Variants in TMCO1 observed in about 807,000 individuals in gnomAD.
The protein encoded by TMCO1 is transmembrane and coiled-coil domains 1.
In TMCO1, 29 loss-of-function variants were observed where a neutral mutation model predicts 29.3. The ratio of observed to expected loss-of-function variants is 0.99; its 90% CI spans 0.74 to 1.35. The LOEUF is 1.35. Among genes scored for constraint, TMCO1 ranks in the 40% most tolerant of loss-of-function variants. The pLI is 0.00. For missense variants in TMCO1, 173 were observed against 225.5 expected (o/e 0.77, Z 1.49); for synonymous variants, 80 against 77.1 (o/e 1.04, Z -0.20).
At chr1:165,752,516 A>G (rs1652040567) in intron 4 of TMCO1, among the ~76,000 whole-genome samples, 1 of 151,482 alleles carries the variant, frequency 6.6e-6, no homozygotes, top group African/African-American at 2.4e-5. Flanking sequence ...CGGCCTCCCA[A>G]AGTGCTGGGA....
At chr1:165,754,402 C>T in intron 3 of TMCO1, 128 bp from the exon 4 acceptor site, 2 of 728,520 alleles carry the variant, frequency 2.7e-6, no homozygotes, top group African/African-American at 1.7e-5. Context: ...ATGATGAAAA[C>T]ACCTGGGATA....
intron 6 of TMCO1, among the ~76,000 whole-genome samples, chr1:165,730,073 G>A (rs558981763): frequency 6.6e-6 from 1 of 151,428 alleles, no homozygotes; most frequent in African/African-American, 2.4e-5. Context: ...TGTAATCCCA[G>A]CACTTTGGGA....
At chr1:165,765,769 A>G (rs1337079055) in intron 2 of TMCO1, among the ~76,000 whole-genome samples, 4 of 152,256 alleles carry the variant, frequency 2.6e-5, no homozygotes, top group Non-Finnish European at 5.9e-5. Context: ...CAAGCTGGAC[A>G]GTGTGGGTGA....
At chr1:165,747,087 C>G (rs1433398846) in intron 5 of TMCO1, among the ~76,000 whole-genome samples, 1 of 151,802 alleles carries the variant, frequency 6.6e-6, no homozygotes, top group African/African-American at 2.4e-5. Context: ...ATGGTGAAAC[C>G]CCATCTCTAC....
intron 6 of TMCO1, among the ~76,000 whole-genome samples, chr1:165,729,532 C>T (rs1651060154): frequency 6.6e-6 from 1 of 151,922 alleles, no homozygotes; most frequent in African/African-American, 2.4e-5. Context: ...GTTGGCCAGG[C>T]TGGTCTTGAA....
At chr1:165,725,390 T>C (rs1184394460), downstream of TMCO1, 4 of 453,684 alleles carry the variant, frequency 8.8e-6, no homozygotes, top group African/African-American at 6.0e-5. Context: ...CAAGGACATA[T>C]GAATATCTAC....
Position 165,768,123 on chromosome 1 carries a change from A to T in TMCO1, c.148+69T>A. 5 of 1,316,616 alleles carry T rather than the reference A, an allele frequency of 3.8e-6. No homozygotes were observed. In the South Asian group the frequency reaches 5.9e-5, roughly 16 times the overall value. The allele number at this position is 1,316,616 out of a possible 1,614,324, so 81.6% of individuals were successfully genotyped here. A position where few individuals can be genotyped will look rare whatever the true frequency, so the allele number is the denominator to read the frequency against. ...TTGTATCAGCTGGTGCTCTTAAAATATTTATTGTGAACATGGACTTAATGA... is the reference window on the plus strand; with the variant it reads ...TTGTATCAGCTGGTGCTCTTAAAATTTTTATTGTGAACATGGACTTAATGA... On this transcript the variant is annotated intron_variant, in intron 2 of 6. Transcript: ENST00000367881.
chr1:165,732,235 A>C (rs529989525), intron 6 of TMCO1, among the ~76,000 whole-genome samples: 2 of 152,170 alleles, frequency 1.3e-5, no homozygotes, highest in Admixed American at 6.5e-5. Flanking sequence ...AGTAGTCCTT[A>C]GTTATCCCTG....
intron 3 of TMCO1, among the ~76,000 whole-genome samples, chr1:165,757,163 A>G (rs1652225730): frequency 6.6e-6 from 1 of 152,228 alleles, no homozygotes; most frequent in African/African-American, 2.4e-5. Flanking sequence ...AAACTAATAG[A>G]AACAGTTTCC....
chr1:165,767,645 T>G (rs948828616), intron 2 of TMCO1, among the ~76,000 whole-genome samples: 2 of 152,216 alleles, frequency 1.3e-5, no homozygotes, highest in African/African-American at 2.4e-5. Context: ...ATCAGCATCA[T>G]GAAGGCTACC....
chr1:165,759,612 A>T, intron 2 of TMCO1, 28 bp from the exon 3 acceptor site: 1 of 1,576,752 alleles, frequency 6.3e-7, no homozygotes, highest in Non-Finnish European at 8.7e-7. Flanking sequence ...ACACAGTAAA[A>T]ATTAACTGGA....
At chr1:165,768,337 CT>C (rs1345896147) in intron 1 of TMCO1, 68 bp from the exon 2 acceptor site, 13 of 1,550,288 alleles carry the variant, frequency 8.4e-6, no homozygotes, top group Non-Finnish European at 1.1e-5. Context: ...AAAGTGGTTA[CT>C]GTTGGAGAAG....
intron 6 of TMCO1, among the ~76,000 whole-genome samples, chr1:165,738,103 G>T (rs1651456147): frequency 6.6e-6 from 1 of 152,222 alleles, no homozygotes; most frequent in Non-Finnish European, 1.5e-5. Flanking sequence ...GACAAGCCTG[G>T]CCGACATGGT....
chr1:165,751,718 A>C (rs755119241), intron 5 of TMCO1, among the ~76,000 whole-genome samples: 2 of 151,666 alleles, frequency 1.3e-5, no homozygotes, highest in Admixed American at 1.3e-4. Flanking sequence ...AAAAAAAAAG[A>C]CCCAAAAAAC....
intron 3 of TMCO1, among the ~76,000 whole-genome samples, chr1:165,758,392 C>A (rs1042827321): frequency 8.6e-5 from 13 of 151,940 alleles, no homozygotes; most frequent in African/African-American, 3.1e-4. Flanking sequence ...CCCGTCTCTA[C>A]TAAAAATACA....
At chr1:165,728,735 A>G (rs1470682891) in intron 6 of TMCO1, among the ~76,000 whole-genome samples, 1 of 151,962 alleles carries the variant, frequency 6.6e-6, no homozygotes, top group South Asian at 2.1e-4. Flanking sequence ...TTCATTAGCT[A>G]TTTCTTATGG....
At chr1:165,729,103 TA>T (rs553390393) in intron 6 of TMCO1, among the ~76,000 whole-genome samples, 59,075 of 76,340 alleles carry the variant, frequency 0.77, 22,272 homozygotes, top group Middle Eastern at 0.88. Flanking sequence ...AGATTCTGTC[TA>T]AAAAAAAAAA....
At chr1:165,735,972 T>C (rs1306944217) in intron 6 of TMCO1, among the ~76,000 whole-genome samples, 1 of 152,204 alleles carries the variant, frequency 6.6e-6, no homozygotes, top group South Asian at 2.1e-4. Flanking sequence ...CAAATTCATA[T>C]GTTGAATCCA....
chr1:165,734,180 G>A (rs959668093), intron 6 of TMCO1, among the ~76,000 whole-genome samples: 1 of 152,100 alleles, frequency 6.6e-6, no homozygotes, highest in African/African-American at 2.4e-5. Context: ...ACTTCAAAAC[G>A]ACCCTTTCCA....
Sources: allele counts gnomAD v4.1 joint callset (sites outside exome capture counted in the v4.1 genomes callset), GRCh38; gene constraint gnomAD v4.1.1; transcripts MANE v1.5; gene names NCBI Gene and HGNC (gene_info 2026-07-23, HGNC 2026-07-21).